VSIG10L2: variants seen among roughly 807,000 people sequenced by gnomAD.
The protein encoded by VSIG10L2 is V-set and immunoglobulin domain-containing protein 10-like 2.
A neutral mutation model predicts 67.1 loss-of-function variants in VSIG10L2; 56 were observed. The observed-to-expected ratio is 0.83, with a 90% CI of 0.67 to 1.04. The LOEUF (loss-of-function observed/expected upper bound fraction) is 1.04, where lower values mean the gene tolerates loss of function less well. Among genes scored for constraint, VSIG10L2 ranks in the 50% least tolerant of loss-of-function variants. The pLI is 0.00. For missense variants in VSIG10L2, 843 were observed against 932.8 expected (o/e 0.90, Z 1.25); for synonymous variants, 360 against 396.6 (o/e 0.91, Z 1.10).
In VSIG10L2 at chr11:125,948,598, G is replaced by C. The variant is rs572268309; in HGVS notation, c.709+18G>C. The C allele has an allele frequency of 5.7e-6, 7 of 1,231,930 alleles. No individual in the cohort carries two copies. In the South Asian group the frequency reaches 2.5e-4, roughly 44 times the overall value. The allele number at this position is 1,231,930 out of a possible 1,614,324, so 76.3% of individuals were successfully genotyped here. A position where few individuals can be genotyped will look rare whatever the true frequency, so the allele number is the denominator to read the frequency against. ...CGTCATTTGTGAGTCAGACTGTGGT[G>C]GGGGGGCTGTCAGGGCTGACACCCA... On this transcript the variant is annotated intron_variant, in intron 3 of 11. Coordinates refer to ENST00000686984, the MANE Select transcript of VSIG10L2 (RefSeq NM_001365077.2).
chr11:125,947,714 T>C lies in VSIG10L2; in HGVS notation c.111T>C (p.Pro37=). Reference sequence around the variant, plus strand: ...AGCCCCACCCGACCCCCGAGGCCCCTGTAGAGGAGGTGGTGTCTGTCCAGG... The same window carrying C: ...AGCCCCACCCGACCCCCGAGGCCCCCGTAGAGGAGGTGGTGTCTGTCCAGG... ...SGQPHPTPEA[P]VEEVVSVQGV... is the part of the protein sequence containing the mutation. Residue 37 remains proline, a synonymous_variant, in exon 2 of 12, where the codon CCT becomes CCC. Transcript: ENST00000686984. 5 of 1,227,748 alleles carry C rather than the reference T, an allele frequency of 4.1e-6. No homozygotes were observed. The highest frequency in any genetic ancestry group is 3.1e-4 in the Middle Eastern group (1 of 3,194). The allele number at this position is 1,227,748 out of a possible 1,614,324, so 76.1% of individuals were successfully genotyped here.
At chr11:125,951,669 T>TAAATGATGA (rs1226495657) in intron 5 of VSIG10L2, 144 bp from the exon 6 acceptor site, 17 of 807,916 alleles carry the variant, frequency 2.1e-5, no homozygotes, top group Middle Eastern at 3.7e-4. Context: ...ACATGATCAA[T>TAAATGATGA]AAATGATGAG....
intron 3 of VSIG10L2, 64 bp from the exon 4 acceptor site, chr11:125,949,950 T>C: frequency 8.2e-7 from 1 of 1,223,588 alleles, no homozygotes; most frequent in Non-Finnish European, 1.0e-6. Context: ...CATTCAGAGA[T>C]GAGCATGTGC....
In VSIG10L2 at chr11:125,956,212, G is replaced by A. The variant is rs1290931521; in HGVS notation, c.*298G>A. ...GAGGGCAAGTGAAAGCCATGGTACTGGGAAGGATCTGTGGTGCTATAGAAG... is the reference window on the plus strand; with the variant it reads ...GAGGGCAAGTGAAAGCCATGGTACTAGGAAGGATCTGTGGTGCTATAGAAG... On this transcript the variant is annotated 3_prime_UTR_variant, in exon 12 of 12. Coordinates refer to ENST00000686984, the MANE Select transcript of VSIG10L2 (RefSeq NM_001365077.2). 1.8e-6 allele frequency: 1 copy of A among 564,826 alleles called. No homozygotes were observed. Among genetic ancestry groups the A allele is most frequent in the South Asian group, 1.5e-5 (1 of 65,502 alleles). The allele number at this position is 564,826 out of a possible 1,614,324, so 35.0% of individuals were successfully genotyped here. A position where few individuals can be genotyped will look rare whatever the true frequency, so the allele number is the denominator to read the frequency against.
Position 125,952,044 on chromosome 11 carries a change from C to T in VSIG10L2, c.1466C>T (p.Thr489Ile). The T allele has an allele frequency of 6.5e-7, 1 of 1,535,154 alleles. No homozygotes were observed. The highest frequency in any genetic ancestry group is 8.7e-7 in the Non-Finnish European group (1 of 1,146,166). ...FTCRGTHLLR[T>I]PDPHCHLQLE... The stretch of plus-strand genomic sequence containing the variant: ...TGCCGGGGCACTCACCTGCTCAGGA[C>T]CCCTGACCCCCACTGCCACCTCCAG... The change falls in exon 6 of 12, where the codon ACC (threonine) becomes ATC (isoleucine). Residue 489 changes from threonine to isoleucine, a missense_variant. By Grantham distance (89) the Thr-to-Ile change is moderately conservative. Around this residue, in one of 2 missense-constraint regions of VSIG10L2, gnomAD observed 397 missense variants for 384.4 expected, o/e 1.03. Transcript: ENST00000686984.
chr11:125,955,620 A>G lies in VSIG10L2; in HGVS notation c.2237A>G (p.Gln746Arg). The change falls in exon 11 of 12, where the codon CAA becomes CGA. Residue 746 changes from glutamine (Q) to arginine (R), a missense_variant. Around this residue, in one of 2 missense-constraint regions of VSIG10L2, gnomAD observed 397 missense variants for 384.4 expected, o/e 1.03. Coordinates refer to ENST00000686984, the MANE Select transcript of VSIG10L2 (RefSeq NM_001365077.2). ...CTCTCCCACTTCACTCTCAGGGAGC[A>G]AAGGCACCAACAGAGGGGTTCCAGA... ...RLGQLLVPTE[Q>R]RHQQRGSRED... 6.5e-7 allele frequency: 1 copy of G among 1,530,492 alleles called. No homozygotes were observed. The highest frequency in any genetic ancestry group is 8.7e-7 in the Non-Finnish European group (1 of 1,143,986). 94.8% of individuals were successfully genotyped at this position (1,530,492 alleles called of 1,614,324 possible). A position where few individuals can be genotyped will look rare whatever the true frequency, so the allele number is the denominator to read the frequency against.
chr11:125,951,904 C>A lies in VSIG10L2; in HGVS notation c.1326C>A (p.Pro442=). ...MLSCEWPGGE[P]PATLGWLDEQ... is the part of the protein sequence containing the mutation. ...GCTGCGAGTGGCCTGGCGGCGAGCC[C>A]CCTGCCACGCTGGGCTGGCTTGACG... The change falls in exon 6 of 12, where the codon CCC becomes CCA. Residue 442 remains proline, a synonymous_variant. Transcript: ENST00000686984. 1 of 1,535,628 alleles carries A rather than the reference C, an allele frequency of 6.5e-7. No individual in the cohort carries two copies. Among genetic ancestry groups the A allele is most frequent in the South Asian group, 1.2e-5 (1 of 84,020 alleles).
chr11:125,946,210 G>T lies in VSIG10L2; in HGVS notation c.82+73G>T. The T allele has an allele frequency of 5.0e-6, 2 of 398,760 alleles. No homozygotes were observed. The highest frequency in any genetic ancestry group is 8.8e-6 in the Non-Finnish European group (2 of 226,050). 24.7% of individuals were successfully genotyped at this position (398,760 alleles called of 1,614,324 possible). A position where few individuals can be genotyped will look rare whatever the true frequency, so the allele number is the denominator to read the frequency against. ...CCATTATTCCTGCCACTTCCTGGGGGATCCTCCTTTTGCACTCCATTCCAT... is the reference window on the plus strand; with the variant it reads ...CCATTATTCCTGCCACTTCCTGGGGTATCCTCCTTTTGCACTCCATTCCAT... On this transcript the variant is annotated intron_variant, in intron 1 of 11. Transcript: ENST00000686984. The surrounding 1 kb of genome is among the most constrained non-coding windows in gnomAD (Gnocchi z 4.4).
Position 125,950,030 on chromosome 11 carries a change from T to C in VSIG10L2, c.726T>C (p.Pro242=). ...GCTCTCCAGATGGTCCTGACAAGCCTGTGATCACCATGGAGCCGCTGGGAC... is the reference window on the plus strand; with the variant it reads ...GCTCTCCAGATGGTCCTGACAAGCCCGTGATCACCATGGAGCCGCTGGGAC... ...FLDVIYGPDK[P]VITMEPLGLT... Residue 242 remains proline, a synonymous_variant, in exon 4 of 12, where the codon CCT becomes CCC. Transcript: ENST00000686984. 1 of 1,232,340 alleles carries C rather than the reference T, an allele frequency of 8.1e-7. No homozygotes were observed. Among genetic ancestry groups the C allele is most frequent in the South Asian group, 4.1e-5 (1 of 24,320 alleles). 76.3% of individuals were successfully genotyped at this position (1,232,340 alleles called of 1,614,324 possible).
chr11:125,951,999 TG>T lies in VSIG10L2; in HGVS notation c.1423del (p.Ala475LeufsTer121). The T allele has an allele frequency of 1.3e-6, 2 of 1,536,110 alleles. No homozygotes were observed. The highest frequency in any genetic ancestry group is 1.7e-6 in the Non-Finnish European group (2 of 1,146,878). On this transcript the variant is annotated frameshift_variant, in exon 6 of 12. Coordinates refer to ENST00000686984, the MANE Select transcript of VSIG10L2 (RefSeq NM_001365077.2). LOFTEE classifies it high-confidence loss of function. Reference sequence around the variant, plus strand: ...CACCTCCTGCAGGCCCAAGAAGATCTGGCTGGCAGAGAGTTCACCTGCCGGG... The same window carrying T: ...CACCTCCTGCAGGCCCAAGAAGATCTGCTGGCAGAGAGTTCACCTGCCGGG... ...AVHLLQAQED[L>X]AGREFTCRGT...
Position 125,951,807 on chromosome 11 carries a change from T to A in VSIG10L2, c.1235-6T>A, listed in dbSNP as rs774360076. The A allele has an allele frequency of 6.0e-6, 9 of 1,491,798 alleles. No homozygotes were observed. Among genetic ancestry groups the A allele is most frequent in the African/African-American group, 1.4e-5 (1 of 72,436 alleles). 92.4% of individuals were successfully genotyped at this position (1,491,798 alleles called of 1,614,324 possible). A position where few individuals can be genotyped will look rare whatever the true frequency, so the allele number is the denominator to read the frequency against. On this transcript the variant is annotated splice_region_variant and splice_polypyrimidine_tract_variant and intron_variant, in intron 5 of 11. Transcript: ENST00000686984. Reference sequence around the variant, plus strand: ...CAGGGCCATACTGAGCCATCATTCCTTCCAGGGGAGCCTCTCGGGAGGCCT... The same window carrying A: ...CAGGGCCATACTGAGCCATCATTCCATCCAGGGGAGCCTCTCGGGAGGCCT...
At chr11:125,947,301 C>A in intron 1 of VSIG10L2, 1 of 393,392 alleles carries the variant, frequency 2.5e-6, no homozygotes, top group Non-Finnish European at 3.5e-6. Context: ...TCAGACTGAT[C>A]TTGGGGCGCT....
At chr11:125,953,261 G>A (rs1230064199) in intron 6 of VSIG10L2, 139 bp from the exon 7 acceptor site, 1 of 659,414 alleles carries the variant, frequency 1.5e-6, no homozygotes, top group Non-Finnish European at 2.1e-6. Flanking sequence ...CTGAAGAGAA[G>A]GCAGACTGGC....
intron 1 of VSIG10L2, 184 bp from the exon 2 acceptor site, chr11:125,947,502 C>A: frequency 6.1e-6 from 6 of 985,390 alleles, no homozygotes; most frequent in Non-Finnish European, 7.2e-6. Flanking sequence ...AACAGGAAAC[C>A]CAGAGGCTCC....
intron 6 of VSIG10L2, among the ~76,000 whole-genome samples, chr11:125,952,400 C>T (rs1174888269): frequency 6.6e-6 from 1 of 152,186 alleles, no homozygotes; most frequent in African/African-American, 2.4e-5. Context: ...TCCAGTATAT[C>T]ATTTCAACAT....
Position 125,946,683 on chromosome 11 carries a change from G to A in VSIG10L2, c.82+546G>A, listed in dbSNP as rs1311761203. 6.6e-6 allele frequency among the ~76,000 whole-genome samples: 1 copy of A among 151,936 alleles called. No homozygotes were observed. The highest frequency in any genetic ancestry group is 6.6e-5 in the Admixed American group (1 of 15,244). On this transcript the variant is annotated intron_variant, in intron 1 of 11. Transcript: ENST00000686984. The surrounding 1 kb of genome is among the most constrained non-coding windows in gnomAD (Gnocchi z 4.4). ...CTACCAAGTAGCTGGGATTACAGGTGTGTGCCACCATGCCCAGCTAATTTT... is the reference window on the plus strand; with the variant it reads ...CTACCAAGTAGCTGGGATTACAGGTATGTGCCACCATGCCCAGCTAATTTT...
At position 125,952,406 on chromosome 11, in the gene VSIG10L2, A is replaced by C. The variant is rs180996939; in HGVS notation, c.1495+333A>C. On this transcript the variant is annotated intron_variant, in intron 6 of 11. Coordinates refer to ENST00000686984, the MANE Select transcript of VSIG10L2 (RefSeq NM_001365077.2). ...CTCAATATATCCAGTATATCATTTC[A>C]ACATGTAATAATAAAAATTATTAAT... Among the ~76,000 whole-genome samples, 196 of 152,362 alleles carry C rather than the reference A, an allele frequency of 1.3e-3. 1 individual carries two copies. Among genetic ancestry groups the C allele is most frequent in the African/African-American group, 3.9e-3 (163 of 41,586 alleles).
At chr11:125,949,039 C>A (rs758147037) in intron 3 of VSIG10L2, among the ~76,000 whole-genome samples, 5 of 152,190 alleles carry the variant, frequency 3.3e-5, no homozygotes, top group African/African-American at 4.8e-5. Flanking sequence ...ATGGCAGCCA[C>A]GCATGTGTAT....
rs1422129073 is a variant in VSIG10L2 at position 125,948,591 on chromosome 11, C to T, written c.709+11C>T. On this transcript the variant is annotated intron_variant, in intron 3 of 11. Coordinates refer to ENST00000686984, the MANE Select transcript of VSIG10L2 (RefSeq NM_001365077.2). ...TCCTGGACGTCATTTGTGAGTCAGACTGTGGTGGGGGGGCTGTCAGGGCTG... is the reference window on the plus strand; with the variant it reads ...TCCTGGACGTCATTTGTGAGTCAGATTGTGGTGGGGGGGCTGTCAGGGCTG... The T allele has an allele frequency of 8.1e-7, 1 of 1,232,130 alleles. No individual in the cohort carries two copies. The highest frequency in any genetic ancestry group is 1.0e-6 in the Non-Finnish European group (1 of 988,154). The allele number at this position is 1,232,130 out of a possible 1,614,324, so 76.3% of individuals were successfully genotyped here. A position where few individuals can be genotyped will look rare whatever the true frequency, so the allele number is the denominator to read the frequency against.
Sources: gnomAD v4.1 joint callset for allele counts (sites outside exome capture counted in the v4.1 genomes callset) on GRCh38, gnomAD v4.1.1 for gene constraint, gnomAD v4.1.1 regional missense constraint, Gnocchi (gnomAD v3.1) non-coding constraint, MANE v1.5 for transcripts, NCBI Gene and HGNC (gene_info 2026-07-23, HGNC 2026-07-21) for gene names.